CEP164: variants seen among roughly 807,000 people sequenced by gnomAD.
CEP164 encodes the protein centrosomal protein 164, also known as centrosomal protein of 164 kDa.
In CEP164, 162 loss-of-function variants were observed where a neutral mutation model predicts 182.7. That is an observed-to-expected ratio of 0.89 (90% CI 0.78 to 1.01). CEP164 has a LOEUF of 1.01. Among genes scored for constraint, CEP164 ranks in the 50% least tolerant of loss-of-function variants. The probability of loss-of-function intolerance (pLI) is 0.00; values close to 1 mark genes in which losing one functional copy is unlikely to be tolerated. For missense variants in CEP164, 1,735 were observed against 1,790.4 expected, an observed-to-expected ratio of 0.97 and a Z score of 0.56; for synonymous variants, 661 against 690.0, an observed-to-expected ratio of 0.96 and a Z score of 0.66.
Position 117,397,308 on chromosome 11 carries a change from G to C in CEP164, c.3496G>C (p.Glu1166Gln), listed in dbSNP as rs61745877. 729 of 1,611,634 alleles carry C rather than the reference G, an allele frequency of 4.5e-4. 3 individuals carry two copies. The African/African-American group carries it at 7.9e-3, about 17-fold the overall frequency. ...CCTGGAAGATATGCGCAAGAACCTG[G>C]AGAAGGTCAGGAGCTTTGGGAAGGG... ...KALEDMRKNL[E>Q]KETRHLDEMK... is the part of the protein sequence containing the mutation. The change falls in exon 27 of 33, where the codon GAG (glutamate) becomes CAG (glutamine). Residue 1166 changes from glutamate (E) to glutamine (Q), a missense_variant. Glu to Gln is a conservative substitution (Grantham distance 29). Coordinates refer to ENST00000278935, the MANE Select transcript of CEP164 (RefSeq NM_014956.5).
intron 5 of CEP164, among the ~76,000 whole-genome samples, chr11:117,353,785 G>A (rs562089135): frequency 1.8e-4 from 27 of 152,258 alleles, no homozygotes; most frequent in Middle Eastern, 3.4e-3. Context: ...GGGGTTCAGT[G>A]TGAATGTTTG....
chr11:117,383,923 C>T (rs939185047), intron 14 of CEP164, among the ~76,000 whole-genome samples: 1 of 152,164 alleles, frequency 6.6e-6, no homozygotes, highest in South Asian at 2.1e-4. Context: ...ATAATCCCAG[C>T]TACTTGGAAG....
chr11:117,409,070 G>A lies in CEP164; in HGVS notation c.3748+42G>A, dbSNP rs768807821. 5.6e-6 allele frequency: 9 copies of A among 1,612,244 alleles called. No individual in the cohort carries two copies. Among genetic ancestry groups the A allele is most frequent in the Admixed American group, 1.7e-5 (1 of 59,982 alleles). On this transcript the variant is annotated intron_variant, in intron 29 of 32. Coordinates refer to ENST00000278935, the MANE Select transcript of CEP164 (RefSeq NM_014956.5). This position sits in a 1 kb window ranked among gnomAD's most constrained non-coding sequence, Gnocchi z 4.4. ...CGGGGTGAGGACCATGGTATCCATG[G>A]AATGGGAGGAACTTGGGGAATAGAA...
intron 2 of CEP164, chr11:117,336,385 G>T: frequency 3.6e-6 from 5 of 1,402,414 alleles, no homozygotes; most frequent in Non-Finnish European, 4.0e-6. Context: ...AGGGGCAGGC[G>T]GTGGGTATGG....
chr11:117,402,274 T>C (rs963629723), intron 27 of CEP164, among the ~76,000 whole-genome samples: 1 of 151,144 alleles, frequency 6.6e-6, no homozygotes, highest in Non-Finnish European at 1.5e-5. Context: ...CAGGCTGGAG[T>C]GCAGTGGCAT....
chr11:117,354,748 A>T (rs1002607642), intron 5 of CEP164, among the ~76,000 whole-genome samples: 11 of 147,876 alleles, frequency 7.4e-5, no homozygotes, highest in Non-Finnish European at 6.0e-5. Flanking sequence ...TTAAATTATT[A>T]TTTTTTTTTG....
At chr11:117,355,251 AG>A in intron 5 of CEP164, 1 of 1,289,842 alleles carries the variant, frequency 7.8e-7, no homozygotes, top group Non-Finnish European at 1.0e-6. Flanking sequence ...CAGGGTCTGG[AG>A]AAACTCCAGA....
At chr11:117,408,850 G>T (rs371501105) in intron 28 of CEP164, 40 bp from the exon 29 acceptor site, 1 of 1,612,184 alleles carries the variant, frequency 6.2e-7, no homozygotes, top group Non-Finnish European at 8.5e-7. Context: ...TAGAAAGCAC[G>T]TGGGAGAGGT....
rs367768433 is a variant in CEP164 at position 117,412,095 on chromosome 11, A to T, written c.4310A>T (p.Lys1437Met). The T allele has an allele frequency of 1.9e-6, 3 of 1,614,004 alleles. No individual in the cohort carries two copies. The African/African-American group carries it at 4.0e-5, about 22-fold the overall frequency. Residue 1437 changes from lysine (K) to methionine (M), a missense_variant, in exon 33 of 33, where the codon AAG (lysine) becomes ATG (methionine). Coordinates refer to ENST00000278935, the MANE Select transcript of CEP164 (RefSeq NM_014956.5). ...PRLPLFSSTPKPKATLSLLQL... is the reference protein window; with the variant it reads ...PRLPLFSSTPMPKATLSLLQL... The stretch of plus-strand genomic sequence containing the variant: ...AGACCTCTCTTCTCGTCAACACCCA[A>T]GCCAAAAGCTACTTTGAGCCTCCTG...
intron 17 of CEP164, among the ~76,000 whole-genome samples, chr11:117,391,762 GCA>G (rs1440379740): frequency 1.3e-5 from 2 of 152,170 alleles, no homozygotes; most frequent in Admixed American, 6.5e-5. Flanking sequence ...GAAGGTTTTA[GCA>G]CAGTCTCTCT....
At chr11:117,327,819 C>T (rs2035553233), upstream of CEP164, 1 of 152,280 alleles carries the variant, frequency 6.6e-6, no homozygotes, top group African/African-American at 2.4e-5. Flanking sequence ...GGCGGGACTC[C>T]CGGTTGCTAG....
intron 4 of CEP164, among the ~76,000 whole-genome samples, chr11:117,348,128 C>G (rs937461744): frequency 2.6e-5 from 4 of 152,014 alleles, no homozygotes; most frequent in African/African-American, 7.2e-5. Flanking sequence ...TGTCACCATG[C>G]CTGGCTAATT....
intron 27 of CEP164, 141 bp downstream of exon 27, chr11:117,397,454 T>C: frequency 1.4e-6 from 1 of 701,762 alleles, no homozygotes; most frequent in South Asian, 1.9e-5. Context: ...GTCACTTATA[T>C]TTACTTGGCA....
rs1249342385 is a variant in CEP164, at chr11:117,394,894, G to A, written c.2761-26G>A. ...AGCTAATGCCTTACACTCTTTCTAT[G>A]CTTATGTGTTTCCCTTTCTGGGCAG... On this transcript the variant is annotated intron_variant, in intron 21 of 32. Coordinates refer to ENST00000278935, the MANE Select transcript of CEP164 (RefSeq NM_014956.5). The surrounding 1 kb of genome is among the most constrained non-coding windows in gnomAD (Gnocchi z 4.0). The A allele has an allele frequency of 6.2e-7, 1 of 1,610,512 alleles. No homozygotes were observed. Among genetic ancestry groups the A allele is most frequent in the Admixed American group, 1.7e-5 (1 of 60,012 alleles).
intron 4 of CEP164, among the ~76,000 whole-genome samples, chr11:117,346,524 T>C (rs1052073291): frequency 1.3e-5 from 2 of 151,676 alleles, no homozygotes; most frequent in Non-Finnish European, 2.9e-5. Context: ...CCCAAAGTGC[T>C]GGGATTACAG....
chr11:117,371,541 A>G (rs1426417027), intron 9 of CEP164, 75 bp downstream of exon 9: 2 of 1,499,712 alleles, frequency 1.3e-6, no homozygotes, highest in Non-Finnish European at 1.8e-6. Context: ...GCAGGGTCCT[A>G]TCCCCACATC....
rs1216671006 is a variant in CEP164 at position 117,362,472 on chromosome 11, T to G, written c.621T>G (p.Thr207=). The change falls in exon 7 of 33, where the codon ACT becomes ACG. Residue 207 remains threonine (T), a synonymous_variant. Transcript: ENST00000278935. ...GLLGSIYEDK[T]ALSLLGLGEE... is the part of the protein sequence containing the mutation. ...TGGGCTCCATATATGAGGACAAGAC[T>G]GCTCTCAGCCTCTTGGGTTTAGGAG... is the stretch of plus-strand genomic sequence containing the variant. The G allele has an allele frequency of 1.2e-6, 2 of 1,613,864 alleles. No homozygotes were observed. The highest frequency in any genetic ancestry group is 8.5e-7 in the Non-Finnish European group (1 of 1,179,958).
chr11:117,370,762 A>G (rs1333396076), intron 8 of CEP164, among the ~76,000 whole-genome samples: 2 of 152,076 alleles, frequency 1.3e-5, no homozygotes, highest in Non-Finnish European at 2.9e-5. Flanking sequence ...AATACAAAAA[A>G]TAGTCAGCTG....
Position 117,362,543 on chromosome 11 carries a change from T to A in CEP164, c.687+5T>A. The A allele has an allele frequency of 6.2e-7, 1 of 1,612,814 alleles. No homozygotes were observed. Among genetic ancestry groups the A allele is most frequent in the Non-Finnish European group, 8.5e-7 (1 of 1,179,644 alleles). On this transcript the variant is annotated splice_donor_5th_base_variant and intron_variant, in intron 7 of 32. Coordinates refer to ENST00000278935, the MANE Select transcript of CEP164 (RefSeq NM_014956.5). ...GAGGAGGAAAGTGACAACCAGGTAA[T>A]GATGAAGTCCTCTCCCTGGCCTGGA...
Sources: gnomAD v4.1 joint callset for allele counts (sites outside exome capture counted in the v4.1 genomes callset) on GRCh38, gnomAD v4.1.1 for gene constraint, Gnocchi (gnomAD v3.1) non-coding constraint, MANE v1.5 for transcripts, NCBI Gene and HGNC (gene_info 2026-07-23, HGNC 2026-07-21) for gene names.